CAMK2D: variants seen among roughly 807,000 people sequenced by gnomAD.
CAMK2D encodes the protein calcium/calmodulin dependent protein kinase II delta.
In CAMK2D, 37 loss-of-function variants were observed where a neutral mutation model predicts 84.0. The ratio of observed to expected loss-of-function variants is 0.44; its 90% CI spans 0.34 to 0.58. The LOEUF is 0.58. Among genes scored for constraint, CAMK2D ranks in the 20% least tolerant of loss-of-function variants. The probability of loss-of-function intolerance (pLI) is 0.02; values close to 1 mark genes in which losing one functional copy is unlikely to be tolerated. For missense variants in CAMK2D, 448 were observed against 652.5 expected, an observed-to-expected ratio of 0.69 and a Z score of 3.41; for synonymous variants, 202 against 212.5, an observed-to-expected ratio of 0.95 and a Z score of 0.43.
intron 17 of CAMK2D, among the ~76,000 whole-genome samples, chr4:113,461,277 C>G (rs1237972307): frequency 1.3e-5 from 2 of 151,488 alleles, no homozygotes; most frequent in Non-Finnish European, 2.9e-5. Flanking sequence ...TTTATTTATT[C>G]AGTAAAGAAT....
At chr4:113,583,521 T>C (rs1374960557) in intron 4 of CAMK2D, among the ~76,000 whole-genome samples, 1 of 152,188 alleles carries the variant, frequency 6.6e-6, no homozygotes, top group Non-Finnish European at 1.5e-5. Flanking sequence ...AATTATCACA[T>C]GCTATGAAAC....
chr4:113,738,354 C>A (rs1443073444), intron 2 of CAMK2D, among the ~76,000 whole-genome samples: 1 of 152,096 alleles, frequency 6.6e-6, no homozygotes, highest in Non-Finnish European at 1.5e-5. Flanking sequence ...ATGTTCCCTT[C>A]CAATCCATCC....
At chr4:113,753,832 A>C in intron 2 of CAMK2D, 1 of 984,144 alleles carries the variant, frequency 1.0e-6, no homozygotes, top group Non-Finnish European at 1.2e-6. Flanking sequence ...TCTACATTAT[A>C]GCTTTCAAAA....
chr4:113,650,931 C>T (rs1483272612), intron 3 of CAMK2D, among the ~76,000 whole-genome samples: 2 of 152,302 alleles, frequency 1.3e-5, no homozygotes, highest in East Asian at 3.9e-4. Flanking sequence ...CTGTTATCTT[C>T]TTTGGTGAAC....
intron 8 of CAMK2D, among the ~76,000 whole-genome samples, chr4:113,524,040 T>C (rs1036772416): frequency 3.9e-5 from 6 of 152,052 alleles, no homozygotes; most frequent in African/African-American, 1.4e-4. Flanking sequence ...CGGCTAATTT[T>C]TTCTGTTTTT....
chr4:113,711,098 A>G (rs1489921949), intron 2 of CAMK2D, among the ~76,000 whole-genome samples: 1 of 150,548 alleles, frequency 6.6e-6, no homozygotes, highest in African/African-American at 2.4e-5. Context: ...TTAGATTTCA[A>G]TGAATTTACA....
intron 4 of CAMK2D, among the ~76,000 whole-genome samples, chr4:113,588,964 G>A (rs1591607375): frequency 6.6e-6 from 1 of 152,172 alleles, no homozygotes; most frequent in East Asian, 1.9e-4. Context: ...TTGGTGGGCA[G>A]GGAAGGCCTC....
At chr4:113,655,599 T>C (rs1247684941) in intron 3 of CAMK2D, among the ~76,000 whole-genome samples, 2 of 152,070 alleles carry the variant, frequency 1.3e-5, no homozygotes, top group East Asian at 3.8e-4. Context: ...ACCTTGCTCT[T>C]TCTAAAGTCT....
chr4:113,600,219 G>A (rs759307390), intron 4 of CAMK2D, among the ~76,000 whole-genome samples: 3 of 152,078 alleles, frequency 2.0e-5, no homozygotes, highest in Admixed American at 6.6e-5. Flanking sequence ...GTTACAGAAC[G>A]TCACACATTT....
At chr4:113,570,367 G>A (rs1334079514) in intron 4 of CAMK2D, among the ~76,000 whole-genome samples, 1 of 152,098 alleles carries the variant, frequency 6.6e-6, no homozygotes, top group African/African-American at 2.4e-5. Context: ...GAACAAAGCT[G>A]AAAGCATCAC....
At chr4:113,537,107 A>T (rs2098498485) in intron 7 of CAMK2D, among the ~76,000 whole-genome samples, 1 of 152,220 alleles carries the variant, frequency 6.6e-6, no homozygotes, top group Non-Finnish European at 1.5e-5. Flanking sequence ...CTTTGAAGAA[A>T]AAAGTGTATG....
At chr4:113,497,567 A>G (rs945558891) in intron 16 of CAMK2D, among the ~76,000 whole-genome samples, 3 of 152,186 alleles carry the variant, frequency 2.0e-5, no homozygotes, top group Non-Finnish European at 4.4e-5. Context: ...CCATTCAAAG[A>G]CGCCAGAAAG....
chr4:113,474,749 C>T (rs1032251535), intron 16 of CAMK2D, among the ~76,000 whole-genome samples: 7 of 152,044 alleles, frequency 4.6e-5, no homozygotes, highest in African/African-American at 9.6e-5. Context: ...CGGGTTCAAG[C>T]GATTCTCCTG....
rs1422729849 is a variant in CAMK2D at position 113,453,875 on chromosome 4, TG to T, written c.*669del. 5.2e-5 allele frequency: 8 copies of T among 152,532 alleles called. No homozygotes were observed. Among genetic ancestry groups the T allele is most frequent in the African/African-American group, 1.9e-4 (8 of 41,422 alleles). The allele number at this position is 152,532 out of a possible 1,614,324, so 9.4% of individuals were successfully genotyped here. A position where few individuals can be genotyped will look rare whatever the true frequency, so the allele number is the denominator to read the frequency against. On this transcript the variant is annotated 3_prime_UTR_variant, in exon 21 of 21. Coordinates refer to ENST00000511664, the MANE Select transcript of CAMK2D (RefSeq NM_001321571.2). Reference sequence around the variant, plus strand: ...ATCCTAAAGTGATTAAACTCAGAAATGATGTGAATTTTTCCAGTTTACACAG... The same window carrying T: ...ATCCTAAAGTGATTAAACTCAGAAATATGTGAATTTTTCCAGTTTACACAG...
At chr4:113,636,502 T>A (rs2099110320) in intron 3 of CAMK2D, among the ~76,000 whole-genome samples, 1 of 152,200 alleles carries the variant, frequency 6.6e-6, no homozygotes, top group South Asian at 2.1e-4. Flanking sequence ...CTATCCTTAA[T>A]AATCTACTCG....
At chr4:113,533,670 T>G (rs1401302415) in intron 7 of CAMK2D, among the ~76,000 whole-genome samples, 1 of 152,046 alleles carries the variant, frequency 6.6e-6, no homozygotes, top group Non-Finnish European at 1.5e-5. Flanking sequence ...TCTTTTTTTT[T>G]TCTAGCAGCA....
chr4:113,586,120 C>T (rs2098833117), intron 4 of CAMK2D, among the ~76,000 whole-genome samples: 1 of 152,280 alleles, frequency 6.6e-6, no homozygotes, highest in Non-Finnish European at 1.5e-5. Context: ...ACTGGTTTGA[C>T]AACCACCTGT....
chr4:113,725,132 A>G (rs1004652189), intron 2 of CAMK2D, among the ~76,000 whole-genome samples: 3 of 152,112 alleles, frequency 2.0e-5, no homozygotes, highest in Non-Finnish European at 4.4e-5. Flanking sequence ...GAAATGCACT[A>G]CATCAAATGA....
At chr4:113,691,493 C>T (rs746979304) in intron 2 of CAMK2D, among the ~76,000 whole-genome samples, 36 of 152,194 alleles carry the variant, frequency 2.4e-4, no homozygotes, top group Non-Finnish European at 3.7e-4. Flanking sequence ...TGGCTCACAC[C>T]TGTAATCCCA....
Sources: allele counts gnomAD v4.1 joint callset (sites outside exome capture counted in the v4.1 genomes callset), GRCh38; gene constraint gnomAD v4.1.1; transcripts MANE v1.5; gene names NCBI Gene and HGNC (gene_info 2026-07-23, HGNC 2026-07-21).